The following MAF variants were observed in gnomAD, a reference collection of about 807,000 sequenced individuals.
MAF encodes the protein MAF bZIP transcription factor.
A neutral mutation model predicts 22.0 loss-of-function variants in MAF; 10 were observed. That is an observed-to-expected ratio of 0.45 (90% CI 0.28 to 0.77). The LOEUF (loss-of-function observed/expected upper bound fraction) is 0.77. MAF is among the 30% of genes least tolerant of loss of function. MAF has a pLI of 0.12. For missense variants in MAF, 544 were observed against 548.4 expected (o/e 0.99, Z 0.08); for synonymous variants, 337 against 255.8 (o/e 1.32, Z -3.03).
chr16:79,387,944 G>T, the MAF span, among the ~76,000 whole-genome samples: 30 of 152,276 alleles, frequency 2.0e-4, no homozygotes, highest in African/African-American at 6.3e-4. Context: ...TTCATAGTAG[G>T]TTGTGAATAA....
At chr16:79,460,710 C>T in the MAF span, among the ~76,000 whole-genome samples, 3 of 152,124 alleles carry the variant, frequency 2.0e-5, no homozygotes, top group African/African-American at 7.2e-5. Context: ...ATATTTTGAA[C>T]CTACCTTCTA....
At chr16:79,394,276 G>T in the MAF span, among the ~76,000 whole-genome samples, 1 of 152,192 alleles carries the variant, frequency 6.6e-6, no homozygotes, top group Non-Finnish European at 1.5e-5. Context: ...GCGGCAGCTT[G>T]ATTGGATCTC....
At chr16:79,369,840 C>T in the MAF span, among the ~76,000 whole-genome samples, 2 of 152,216 alleles carry the variant, frequency 1.3e-5, no homozygotes, top group Non-Finnish European at 2.9e-5. Flanking sequence ...GAGCAGATGG[C>T]TGTGACCTGA....
the MAF span, among the ~76,000 whole-genome samples, chr16:79,247,701 C>CT: frequency 1.3e-5 from 2 of 152,162 alleles, no homozygotes; most frequent in African/African-American, 4.8e-5. Context: ...AGGCATCTTC[C>CT]TGGAAGCCTT....
chr16:79,339,930 C>T, the MAF span, among the ~76,000 whole-genome samples: 2 of 152,146 alleles, frequency 1.3e-5, no homozygotes, highest in African/African-American at 4.8e-5. Flanking sequence ...CATTATTTAG[C>T]AAGTTCTTCA....
At chr16:79,590,413 T>A (rs1913125316), downstream of MAF, among the ~76,000 whole-genome samples, 1 of 152,150 alleles carries the variant, frequency 6.6e-6, no homozygotes, top group South Asian at 2.1e-4. Flanking sequence ...GTGTCTACAC[T>A]TAAAGTGGGG....
At chr16:79,276,721 T>C in the MAF span, among the ~76,000 whole-genome samples, 291 of 152,270 alleles carry the variant, frequency 1.9e-3, 2 homozygotes, top group African/African-American at 6.5e-3. Context: ...ACATTGATGA[T>C]GAAAAGGATA....
chr16:79,417,357 C>T, the MAF span, among the ~76,000 whole-genome samples: 1 of 152,240 alleles, frequency 6.6e-6, no homozygotes, highest in African/African-American at 2.4e-5. Flanking sequence ...AGTCTGTCTG[C>T]AACTTGGTGC....
the MAF span, among the ~76,000 whole-genome samples, chr16:79,525,558 G>C: frequency 6.6e-6 from 1 of 152,164 alleles, no homozygotes; most frequent in African/African-American, 2.4e-5. Context: ...AGTAAGCCAT[G>C]TTAAACCCTT....
the MAF span, among the ~76,000 whole-genome samples, chr16:79,267,264 T>G: frequency 6.6e-6 from 1 of 152,172 alleles, no homozygotes; most frequent in Non-Finnish European, 1.5e-5. Context: ...GTGCCCATTA[T>G]GAAAATCACT....
the MAF span, among the ~76,000 whole-genome samples, chr16:79,373,091 A>G: frequency 6.6e-6 from 1 of 152,116 alleles, no homozygotes; most frequent in South Asian, 2.1e-4. Context: ...TGGTTATAGG[A>G]TATCTCTAGC....
At chr16:79,471,619 G>C in the MAF span, among the ~76,000 whole-genome samples, 1 of 152,226 alleles carries the variant, frequency 6.6e-6, no homozygotes, top group African/African-American at 2.4e-5. Context: ...AGAGGTTGCA[G>C]TGAGCTGAGA....
chr16:79,205,404 G>A, the MAF span: 2 of 152,176 alleles, frequency 1.3e-5, no homozygotes, highest in Non-Finnish European at 2.9e-5. Context: ...TGCTAGCAAA[G>A]AAATATTTTT....
chr16:79,252,434 C>T, the MAF span, among the ~76,000 whole-genome samples: 8 of 152,246 alleles, frequency 5.3e-5, no homozygotes, highest in Admixed American at 5.2e-4. Flanking sequence ...CAATGTGGCC[C>T]ATGGGCTGTC....
the MAF span, among the ~76,000 whole-genome samples, chr16:79,434,053 G>A: frequency 5.3e-4 from 81 of 152,182 alleles, no homozygotes; most frequent in East Asian, 9.7e-4. Context: ...TGTTCTCCCC[G>A]TTGCATAGGT....
At chr16:79,521,782 TA>T in the MAF span, among the ~76,000 whole-genome samples, 1 of 152,210 alleles carries the variant, frequency 6.6e-6, no homozygotes, top group Non-Finnish European at 1.5e-5. Flanking sequence ...AGTTACTGAA[TA>T]AATTATAATG....
chr16:79,203,613 C>T, the MAF span: 42,903 of 150,846 alleles, frequency 0.28, 6,443 homozygotes, highest in African/African-American at 0.39. Context: ...GTTTGTGGTT[C>T]GTCCTGAAAT....
the MAF span, among the ~76,000 whole-genome samples, chr16:79,221,699 GTGTA>G: frequency 1.6e-4 from 24 of 152,006 alleles, no homozygotes; most frequent in Non-Finnish European, 3.2e-4. Context: ...ATGTGCATGA[GTGTA>G]TGTGATTGTG....
chr16:79,379,499 G>C, the MAF span, among the ~76,000 whole-genome samples: 17 of 96,764 alleles, frequency 1.8e-4, no homozygotes, highest in East Asian at 3.0e-3. Context: ...TCTGGTGGAA[G>C]TGCACACACA....
Sources: allele counts gnomAD v4.1 joint callset (sites outside exome capture counted in the v4.1 genomes callset), GRCh38; gene constraint gnomAD v4.1.1; transcripts MANE v1.5; gene names NCBI Gene and HGNC (gene_info 2026-07-23, HGNC 2026-07-21).